The following PDS5B variants were observed in gnomAD, a reference collection of about 807,000 sequenced individuals.
PDS5B encodes the protein PDS5 cohesin associated factor B.
PDS5B carries 51 observed loss-of-function variants against 184.1 expected under a neutral mutation model. The observed-to-expected ratio is 0.28, with a 90% CI of 0.22 to 0.35. The LOEUF is 0.35. Among genes scored for constraint, PDS5B ranks in the 10% least tolerant of loss-of-function variants. PDS5B has a pLI of 1.00. For missense variants in PDS5B, 1,180 were observed against 1,723.3 expected (o/e 0.68, Z 5.58); for synonymous variants, 566 against 569.2 (o/e 0.99, Z 0.08).
chr13:32,698,970 G>A (rs527797975), intron 15 of PDS5B, among the ~76,000 whole-genome samples: 1 of 152,094 alleles, frequency 6.6e-6, no homozygotes, highest in Non-Finnish European at 1.5e-5. Context: ...GGCCAGGGTG[G>A]TCTTGAACTC....
chr13:32,739,299 A>G (rs1012149335), intron 21 of PDS5B, among the ~76,000 whole-genome samples: 1 of 152,026 alleles, frequency 6.6e-6, no homozygotes, highest in Non-Finnish European at 1.5e-5. Flanking sequence ...CATGTCTCCT[A>G]TAGAGCCTCT....
intron 18 of PDS5B, among the ~76,000 whole-genome samples, chr13:32,708,510 T>G (rs1429341672): frequency 3.3e-5 from 5 of 152,232 alleles, no homozygotes; most frequent in Non-Finnish European, 7.3e-5. Flanking sequence ...GAGTGACCAC[T>G]TTCAAAATTC....
chr13:32,652,112 C>A, intron 3 of PDS5B, 105 bp downstream of exon 3: 5 of 744,962 alleles, frequency 6.7e-6, no homozygotes, highest in Non-Finnish European at 9.3e-6. Flanking sequence ...GATTCTTTGA[C>A]ATTAGCTACA....
intron 17 of PDS5B, among the ~76,000 whole-genome samples, chr13:32,703,661 T>C (rs1951925448): frequency 2.6e-5 from 4 of 152,198 alleles, no homozygotes; most frequent in African/African-American, 9.7e-5. Flanking sequence ...GCCCACTTGG[T>C]TAACCACTAC....
At chr13:32,633,818 A>G (rs1008629245) in intron 1 of PDS5B, among the ~76,000 whole-genome samples, 2 of 152,180 alleles carry the variant, frequency 1.3e-5, no homozygotes, top group Admixed American at 1.3e-4. Flanking sequence ...GTTACTTTTA[A>G]TGAGGTAGAA....
rs116857041 is a variant in PDS5B at position 32,735,835 on chromosome 13, T to A, written c.2406+505T>A. 4.0e-3 allele frequency among the ~76,000 whole-genome samples: 608 copies of A among 152,272 alleles called. 2 individuals are homozygous for A. The highest frequency in any genetic ancestry group is 0.012 in the Admixed American group (180 of 15,280). ...GTTCTCTGGAGAATTAAAAGAAACA[T>A]GAGATAAAGTTTTTCCTCCAAAAAG... On this transcript the variant is annotated intron_variant, in intron 21 of 34. Coordinates refer to ENST00000315596, the MANE Select transcript of PDS5B (RefSeq NM_015032.4).
At chr13:32,702,945 C>T (rs1396827416) in intron 17 of PDS5B, among the ~76,000 whole-genome samples, 2 of 151,984 alleles carry the variant, frequency 1.3e-5, no homozygotes, top group South Asian at 2.1e-4. Flanking sequence ...AAGGAGACAA[C>T]GTACTTGAAG....
At chr13:32,774,984 TTTAA>T (rs1954908861) in intron 34 of PDS5B, 29 bp from the exon 35 acceptor site, 3 of 1,602,292 alleles carry the variant, frequency 1.9e-6, no homozygotes, top group Non-Finnish European at 2.6e-6. Flanking sequence ...ATATACCCAT[TTTAA>T]TTAAGCATCT....
chr13:32,661,083 C>G (rs1950629834), intron 6 of PDS5B, among the ~76,000 whole-genome samples: 1 of 151,798 alleles, frequency 6.6e-6, no homozygotes, highest in South Asian at 2.1e-4. Context: ...AGGAGAAAAA[C>G]TCATTAGCAA....
intron 3 of PDS5B, among the ~76,000 whole-genome samples, chr13:32,655,428 G>A (rs1413075621): frequency 7.7e-6 from 1 of 129,368 alleles, no homozygotes; most frequent in Non-Finnish European, 1.6e-5. Flanking sequence ...GCTCAGGCTG[G>A]AGTGCAGTGG....
chr13:32,642,331 A>C lies in PDS5B; in HGVS notation c.-19-6423A>C, dbSNP rs571124920. Among the ~76,000 whole-genome samples, 25 of 152,272 alleles carry C rather than the reference A, an allele frequency of 1.6e-4. 1 individual carries two copies. The South Asian group carries it at 5.2e-3, about 32-fold the overall frequency. ...GCAGATAGATGCTAGCATAAATGTT[A>C]TATGCTACTTTTCTTAAGGAGCTTA... is the stretch of plus-strand genomic sequence containing the variant. On this transcript the variant is annotated intron_variant, in intron 1 of 34. Transcript: ENST00000315596.
chr13:32,719,936 G>A (rs1245146430), intron 19 of PDS5B, among the ~76,000 whole-genome samples: 3 of 151,980 alleles, frequency 2.0e-5, no homozygotes, highest in African/African-American at 4.8e-5. Flanking sequence ...GATTACAGGC[G>A]TGTGCCACCA....
chr13:32,773,910 TCTC>T (rs1954874458), intron 34 of PDS5B, among the ~76,000 whole-genome samples: 1 of 152,108 alleles, frequency 6.6e-6, no homozygotes, highest in South Asian at 2.1e-4. Flanking sequence ...TTCAAGCAAT[TCTC>T]CTGCCTCAGC....
In PDS5B at chr13:32,663,331, A is replaced by T. The variant is rs185780683; in HGVS notation, c.624+4051A>T. Among the ~76,000 whole-genome samples the T allele has an allele frequency of 2.8e-3, 406 of 145,636 alleles. 7 individuals carry two copies. The East Asian group carries it at 0.05, about 18-fold the overall frequency. ...GAAACCAGGTGCAAACCAAGCAAGA[A>T]AAAAAAAAAAAGGCTAATTGATTCC... is the stretch of plus-strand genomic sequence containing the variant. On this transcript the variant is annotated intron_variant, in intron 6 of 34. Coordinates refer to ENST00000315596, the MANE Select transcript of PDS5B (RefSeq NM_015032.4).
intron 10 of PDS5B, among the ~76,000 whole-genome samples, chr13:32,679,876 C>T (rs1211325431): frequency 1.9e-5 from 2 of 104,534 alleles, no homozygotes; most frequent in African/African-American, 4.1e-5. Flanking sequence ...CTTTCCTCTT[C>T]GTCTGTGAGT....
At chr13:32,743,743 A>C (rs1953647687) in intron 23 of PDS5B, among the ~76,000 whole-genome samples, 1 of 152,160 alleles carries the variant, frequency 6.6e-6, no homozygotes, top group Non-Finnish European at 1.5e-5. Flanking sequence ...TATAAAAAAA[A>C]ACTTGGTAAG....
At position 32,730,898 on chromosome 13, in the gene PDS5B, A is replaced by G. The variant is rs560010614; in HGVS notation, c.2124-1203A>G. Among the ~76,000 whole-genome samples, 3 of 152,242 alleles carry G rather than the reference A, an allele frequency of 2.0e-5. No individual in the cohort carries two copies. In the East Asian group the frequency reaches 5.8e-4, roughly 29 times the overall value. On this transcript the variant is annotated intron_variant, in intron 19 of 34. Transcript: ENST00000315596. ...ACAATCGTGTTATCTGCAAACAGTG[A>G]CTATTTGACTTCCTCTCTTCCTACT...
intron 9 of PDS5B, among the ~76,000 whole-genome samples, chr13:32,676,866 G>A (rs528828438): frequency 1.2e-4 from 17 of 146,744 alleles, no homozygotes; most frequent in South Asian, 8.6e-4. Flanking sequence ...GGGAGGTGGA[G>A]CTTGCAGTGA....
At chr13:32,681,802 T>G (rs1243952321) in intron 10 of PDS5B, among the ~76,000 whole-genome samples, 1 of 152,162 alleles carries the variant, frequency 6.6e-6, no homozygotes, top group Non-Finnish European at 1.5e-5. Context: ...CTTCTCAACC[T>G]TATCAGACCC....
Sources: gnomAD v4.1 joint callset for allele counts (sites outside exome capture counted in the v4.1 genomes callset) on GRCh38, gnomAD v4.1.1 for gene constraint, MANE v1.5 for transcripts, NCBI Gene and HGNC (gene_info 2026-07-23, HGNC 2026-07-21) for gene names.